The following ATXN7 variants were observed in gnomAD, a reference collection of about 807,000 sequenced individuals.
ATXN7 encodes the protein ataxin-7.
Under a neutral mutation model 70.5 loss-of-function variants are expected in ATXN7, and 12 were observed. The observed-to-expected ratio is 0.17, with a 90% confidence interval of 0.11 to 0.28. ATXN7 has a LOEUF of 0.28. ATXN7 is among the 10% of genes least tolerant of loss of function. The probability of loss-of-function intolerance (pLI) is 1.00; values close to 1 mark genes in which losing one functional copy is unlikely to be tolerated. For synonymous variants in ATXN7, 498 were observed against 448.7 expected, an observed-to-expected ratio of 1.11 and a Z score of -1.39; for missense variants, 1,256 against 1,131.7, an observed-to-expected ratio of 1.11 and a Z score of -1.58.
chr3:63,928,219 T>C (rs1329807771), intron 4 of ATXN7, among the ~76,000 whole-genome samples: 1 of 152,212 alleles, frequency 6.6e-6, no homozygotes, highest in Non-Finnish European at 1.5e-5. Flanking sequence ...GAGAATCACT[T>C]GAGCCCAGGA....
chr3:63,863,824 GCAA>G, upstream of ATXN7: 1 of 1,228,202 alleles, frequency 8.1e-7, no homozygotes, highest in Non-Finnish European at 1.0e-6. Flanking sequence ...CGGCGGCGGC[GCAA>G]GCTGAGGCGG....
chr3:63,913,153 C>T lies in ATXN7; in HGVS notation c.326-4C>T, dbSNP rs1016418817. The stretch of plus-strand genomic sequence containing the variant: ...CCCTCCTCCTGTGTGTGTATATCTC[C>T]TAGGGACAGAATTGGACGAAAGTTT... On this transcript the variant is annotated splice_polypyrimidine_tract_variant and splice_region_variant and intron_variant, in intron 3 of 12. Transcript: ENST00000674280. The T allele has an allele frequency of 6.2e-7, 1 of 1,613,566 alleles. No homozygotes were observed. The highest frequency in any genetic ancestry group is 1.1e-5 in the South Asian group (1 of 91,072).
intron 5 of ATXN7, among the ~76,000 whole-genome samples, chr3:63,952,835 CTTT>C (rs59256288): frequency 7.5e-4 from 37 of 49,134 alleles, no homozygotes; most frequent in African/African-American, 2.9e-3. Context: ...ATGCATGGGC[CTTT>C]TTTTTTTTTT....
intron 1 of ATXN7, among the ~76,000 whole-genome samples, chr3:63,898,054 A>G (rs931801242): frequency 3.3e-5 from 5 of 152,214 alleles, no homozygotes; most frequent in African/African-American, 1.2e-4. Context: ...TGATTTGACA[A>G]GTTTCATAGG....
chr3:63,940,249 A>G (rs1219147865), intron 4 of ATXN7, among the ~76,000 whole-genome samples: 1 of 151,734 alleles, frequency 6.6e-6, no homozygotes, highest in Non-Finnish European at 1.5e-5. Flanking sequence ...AAGCAGAGTC[A>G]TAAACTCCCT....
chr3:63,899,753 ACAGGCGCCTGCCG>A (rs1703563971), intron 2 of ATXN7, among the ~76,000 whole-genome samples: 1 of 152,014 alleles, frequency 6.6e-6, no homozygotes, highest in Non-Finnish European at 1.5e-5. Flanking sequence ...AGCTGGGACT[ACAGGCGCCTGCCG>A]CCACGCCCGG....
chr3:63,911,035 C>CAA (rs969919341), intron 2 of ATXN7, among the ~76,000 whole-genome samples: 1 of 137,020 alleles, frequency 7.3e-6, no homozygotes, highest in African/African-American at 2.7e-5. Flanking sequence ...GTTTGAGGTA[C>CAA]AAAAAAAAAA....
At chr3:63,990,554 CT>C in intron 10 of ATXN7, 180 bp downstream of exon 10, 5 of 1,194,950 alleles carry the variant, frequency 4.2e-6, no homozygotes, top group Admixed American at 2.1e-5. Flanking sequence ...ACATCTCGTG[CT>C]TTTTTCCCTT....
intron 8 of ATXN7, among the ~76,000 whole-genome samples, chr3:63,986,179 A>T (rs1014792003): frequency 6.6e-6 from 1 of 152,210 alleles, no homozygotes; most frequent in Non-Finnish European, 1.5e-5. Context: ...AGAACCTTAA[A>T]GCCAGCCAGG....
intron 1 of ATXN7, among the ~76,000 whole-genome samples, chr3:63,866,546 G>T (rs1232693971): frequency 6.6e-6 from 1 of 152,166 alleles, no homozygotes; most frequent in Non-Finnish European, 1.5e-5. Context: ...TTGAGCCACT[G>T]TGTCCAGCCT....
At chr3:63,863,747 CGT>C, upstream of ATXN7, 1 of 1,249,874 alleles carries the variant, frequency 8.0e-7, no homozygotes, top group Non-Finnish European at 1.0e-6. Context: ...GCAGCGGGCG[CGT>C]GTGGCGGCGA....
At chr3:63,929,822 G>A (rs1704874767) in intron 4 of ATXN7, among the ~76,000 whole-genome samples, 1 of 152,088 alleles carries the variant, frequency 6.6e-6, no homozygotes, top group South Asian at 2.1e-4. Flanking sequence ...TGTGTGTCAG[G>A]GCGGGCACAA....
At chr3:63,975,047 C>T (rs944656499) in intron 5 of ATXN7, among the ~76,000 whole-genome samples, 2 of 152,124 alleles carry the variant, frequency 1.3e-5, no homozygotes, top group South Asian at 2.1e-4. Context: ...TCTGTGTTCA[C>T]CTAGTATTTC....
At chr3:63,939,811 G>C (rs150641982) in intron 4 of ATXN7, among the ~76,000 whole-genome samples, 1 of 152,124 alleles carries the variant, frequency 6.6e-6, no homozygotes, top group Non-Finnish European at 1.5e-5. Flanking sequence ...GCAGCCACTG[G>C]AGGGGACAGA....
chr3:63,992,162 C>T (rs1377345355), intron 11 of ATXN7, among the ~76,000 whole-genome samples: 12 of 152,220 alleles, frequency 7.9e-5, no homozygotes, highest in Admixed American at 4.6e-4. Flanking sequence ...TAAAGTCAGA[C>T]GCTAGTCGGA....
intron 5 of ATXN7, among the ~76,000 whole-genome samples, chr3:63,957,466 T>C (rs1486336857): frequency 6.6e-6 from 1 of 152,230 alleles, no homozygotes; most frequent in African/African-American, 2.4e-5. Flanking sequence ...TTTCTTTAAA[T>C]CAGACCACTT....
At chr3:63,997,732 GAACTT>G in intron 12 of ATXN7, 1 of 1,546,818 alleles carries the variant, frequency 6.5e-7, no homozygotes. Flanking sequence ...CTCGTCTTCA[GAACTT>G]AACTCAAATG....
rs1325282936 is a variant in ATXN7 at position 63,994,358 on chromosome 3, C to G, written c.1683-1147C>G. ...CAAGCGATTCTCCTGCCTCAGCCTT[C>G]TAAGTAGCTGGGATTACAGGTGCAC... On this transcript the variant is annotated intron_variant, in intron 11 of 12. Coordinates refer to ENST00000674280, the MANE Select transcript of ATXN7 (RefSeq NM_001377405.1). Among the ~76,000 whole-genome samples the G allele has an allele frequency of 2.6e-5, 4 of 152,272 alleles. No homozygotes were observed. The East Asian group carries it at 7.7e-4, about 29-fold the overall frequency.
chr3:63,988,493 A>T (rs554933942), intron 9 of ATXN7, 169 bp downstream of exon 9: 1 of 922,960 alleles, frequency 1.1e-6, no homozygotes, highest in Non-Finnish European at 1.6e-6. Context: ...TGAGTTCAGT[A>T]AGTTTCAACC....
Sources: gnomAD v4.1 joint callset for allele counts (sites outside exome capture counted in the v4.1 genomes callset) on GRCh38, gnomAD v4.1.1 for gene constraint, MANE v1.5 for transcripts, NCBI Gene and HGNC (gene_info 2026-07-23, HGNC 2026-07-21) for gene names.